The following C5orf24 variants were observed in gnomAD, a reference collection of about 807,000 sequenced individuals.
The protein encoded by C5orf24 is chromosome 5 open reading frame 24.
A neutral mutation model predicts 9.8 loss-of-function variants in C5orf24; 4 were observed. That is an observed-to-expected ratio of 0.41 (90% CI 0.20 to 0.93). The LOEUF (loss-of-function observed/expected upper bound fraction) is 0.93. Among genes scored for constraint, C5orf24 ranks in the 40% least tolerant of loss-of-function variants. The probability of loss-of-function intolerance (pLI) is 0.33; values close to 1 mark genes in which losing one functional copy is unlikely to be tolerated. For missense variants in C5orf24, 170 were observed against 236.9 expected, an observed-to-expected ratio of 0.72 and a Z score of 1.85; for synonymous variants, 73 against 81.3, an observed-to-expected ratio of 0.90 and a Z score of 0.55.
At chr5:134,842,355 T>G (rs1436779116), upstream of C5orf24, among the ~76,000 whole-genome samples, 1 of 151,822 alleles carries the variant, frequency 6.6e-6, no homozygotes, top group Non-Finnish European at 1.5e-5. Flanking sequence ...CCAGGCATGG[T>G]AGCACATGCC....
At chr5:134,847,686 G>A (rs1003263588) in intron 1 of C5orf24, among the ~76,000 whole-genome samples, 16 of 150,630 alleles carry the variant, frequency 1.1e-4, no homozygotes, top group Non-Finnish European at 1.9e-4. Context: ...ACGCTGTCTG[G>A]AAATGTAGTA....
At position 134,857,451 on chromosome 5, in the gene C5orf24, A is replaced by G. The variant is rs955785801; in HGVS notation, c.*1984A>G. ...TTTACAGTAAGAGGTGTTGCATTGT[A>G]TGTGGGGACTATGTGCACTGGCGTC... On this transcript the variant is annotated 3_prime_UTR_variant, in exon 2 of 2. Transcript: ENST00000394976. 17 of 1,519,296 alleles carry G rather than the reference A, an allele frequency of 1.1e-5. No individual in the cohort carries two copies. In the Middle Eastern group the frequency reaches 6.8e-4, roughly 61 times the overall value. 94.1% of individuals were successfully genotyped at this position (1,519,296 alleles called of 1,614,324 possible). A position where few individuals can be genotyped will look rare whatever the true frequency, so the allele number is the denominator to read the frequency against.
chr5:134,854,776 T>G, intron 1 of C5orf24, 122 bp from the exon 2 acceptor site: 1 of 1,034,828 alleles, frequency 9.7e-7, no homozygotes, highest in Non-Finnish European at 1.4e-6. Flanking sequence ...TCCTGCCTGT[T>G]AGCCTAATTT....
chr5:134,841,449 T>G (rs933957396), upstream of C5orf24, among the ~76,000 whole-genome samples: 1 of 151,970 alleles, frequency 6.6e-6, no homozygotes, highest in African/African-American at 2.4e-5. Flanking sequence ...AAGCCAGGTG[T>G]GGTGGCTCGT....
At position 134,857,133 on chromosome 5, in the gene C5orf24, AATATT is replaced by A. The variant is rs1482702032; in HGVS notation, c.*1670_*1674del. On this transcript the variant is annotated 3_prime_UTR_variant, in exon 2 of 2. Coordinates refer to ENST00000394976, the MANE Select transcript of C5orf24 (RefSeq NM_001135586.1). ...TATTTATTGAGTTTGTTCTAAATAA[AATATT>A]ATAAACTTCAGACTTGAAAAAATTC... is the stretch of plus-strand genomic sequence containing the variant. The A allele has an allele frequency of 7.0e-6, 9 of 1,282,076 alleles. No homozygotes were observed. The highest frequency in any genetic ancestry group is 9.0e-6 in the Non-Finnish European group (9 of 1,001,926). The allele number at this position is 1,282,076 out of a possible 1,614,324, so 79.4% of individuals were successfully genotyped here.
rs113314814 is a variant in C5orf24 at position 134,856,219 on chromosome 5, A to G, written c.*752A>G. ...CTATTTTATAAAAACTGCACATTAC[A>G]TTTTTGGTGAAATATAGTGCATTCT... On this transcript the variant is annotated 3_prime_UTR_variant, in exon 2 of 2. Coordinates refer to ENST00000394976, the MANE Select transcript of C5orf24 (RefSeq NM_001135586.1). The G allele has an allele frequency of 1.7e-5, 17 of 992,278 alleles. No individual in the cohort carries two copies. The African/African-American group carries it at 2.5e-4, about 14-fold the overall frequency. The allele number at this position is 992,278 out of a possible 1,614,324, so 61.5% of individuals were successfully genotyped here. A position where few individuals can be genotyped will look rare whatever the true frequency, so the allele number is the denominator to read the frequency against.
chr5:134,852,709 C>T (rs1264916483), intron 1 of C5orf24, among the ~76,000 whole-genome samples: 3 of 152,156 alleles, frequency 2.0e-5, no homozygotes, highest in Admixed American at 1.3e-4. Flanking sequence ...ATCTCTTTTA[C>T]CTCATCACAA....
chr5:134,836,370 A>G, the C5orf24 span, among the ~76,000 whole-genome samples: 2 of 151,894 alleles, frequency 1.3e-5, no homozygotes, highest in Non-Finnish European at 2.9e-5. Context: ...ACAAGGTTTT[A>G]CCATGTTGGT....
Position 134,856,589 on chromosome 5 carries a change from C to CA in C5orf24, c.*1124dup, listed in dbSNP as rs924800454. On this transcript the variant is annotated 3_prime_UTR_variant, in exon 2 of 2. Transcript: ENST00000394976. Reference sequence around the variant, plus strand: ...CCAGGAGGCGGAGGTTGCAGTGAGCCAAGATTGTGCCACTGCACTCCAGCC... The same window carrying CA: ...CCAGGAGGCGGAGGTTGCAGTGAGCCAAAGATTGTGCCACTGCACTCCAGCC... 1 of 477,376 alleles carries CA rather than the reference C, an allele frequency of 2.1e-6. No individual in the cohort carries two copies. The highest frequency in any genetic ancestry group is 2.1e-5 in the African/African-American group (1 of 46,934). The allele number at this position is 477,376 out of a possible 1,614,324, so 29.6% of individuals were successfully genotyped here. A position where few individuals can be genotyped will look rare whatever the true frequency, so the allele number is the denominator to read the frequency against.
Position 134,855,713 on chromosome 5 carries a change from C to T in C5orf24, c.*246C>T, listed in dbSNP as rs1301075554. The T allele has an allele frequency of 6.5e-6, 9 of 1,377,316 alleles. No homozygotes were observed. The highest frequency in any genetic ancestry group is 8.5e-6 in the Non-Finnish European group (9 of 1,063,088). The allele number at this position is 1,377,316 out of a possible 1,614,324, so 85.3% of individuals were successfully genotyped here. ...ACCTAACTAAATCATTTTTCCTTTT[C>T]CTTTAGAGTTATGGTCATGTCTCAT... On this transcript the variant is annotated 3_prime_UTR_variant, in exon 2 of 2. Coordinates refer to ENST00000394976, the MANE Select transcript of C5orf24 (RefSeq NM_001135586.1).
chr5:134,849,506 G>A (rs924752049), intron 1 of C5orf24, among the ~76,000 whole-genome samples: 2 of 151,930 alleles, frequency 1.3e-5, no homozygotes, highest in Non-Finnish European at 2.9e-5. Flanking sequence ...AATTATTTAC[G>A]AGTAATTCTC....
chr5:134,844,349 A>AT, upstream of C5orf24, among the ~76,000 whole-genome samples: 1 of 151,744 alleles, frequency 6.6e-6, no homozygotes, highest in Non-Finnish European at 1.5e-5. Context: ...TTAGCATTTT[A>AT]TTTTTTTGAG....
Position 134,857,281 on chromosome 5 carries a change from G to A in C5orf24, c.*1814G>A. On this transcript the variant is annotated 3_prime_UTR_variant, in exon 2 of 2. Coordinates refer to ENST00000394976, the MANE Select transcript of C5orf24 (RefSeq NM_001135586.1). ...TAATTAAAATTTTAAAAGAGCACAT[G>A]TTGTGTTTTTTGGGCTTGCTATTAA... 2 of 1,469,606 alleles carry A rather than the reference G, an allele frequency of 1.4e-6. No homozygotes were observed. Among genetic ancestry groups the A allele is most frequent in the Non-Finnish European group, 1.8e-6 (2 of 1,098,638 alleles). 91.0% of individuals were successfully genotyped at this position (1,469,606 alleles called of 1,614,324 possible).
upstream of C5orf24, among the ~76,000 whole-genome samples, chr5:134,842,638 G>A (rs1288611988): frequency 1.3e-5 from 2 of 152,112 alleles, no homozygotes; most frequent in Non-Finnish European, 2.9e-5. Context: ...TTTTACTAAG[G>A]TCATCAGCTG....
chr5:134,835,938 A>G, the C5orf24 span, among the ~76,000 whole-genome samples: 178 of 152,004 alleles, frequency 1.2e-3, no homozygotes, highest in African/African-American at 3.4e-3. Flanking sequence ...GCCTCAGGCA[A>G]TCCTCCTTCC....
chr5:134,838,248 T>C, the C5orf24 span, among the ~76,000 whole-genome samples: 10 of 152,238 alleles, frequency 6.6e-5, no homozygotes, highest in African/African-American at 1.9e-4. Context: ...TGATATGGCC[T>C]ACCTTGGGCC....
Position 134,855,683 on chromosome 5 carries a change from G to GT in C5orf24, c.*217dup, listed in dbSNP as rs1756292594. ...ATTGTATTTGTACATAGGTTCAAGTGTAACACCTAACTAAATCATTTTTCC... is the reference window on the plus strand; with the variant it reads ...ATTGTATTTGTACATAGGTTCAAGTGTTAACACCTAACTAAATCATTTTTCC... On this transcript the variant is annotated 3_prime_UTR_variant, in exon 2 of 2. Transcript: ENST00000394976. The GT allele has an allele frequency of 2.1e-6, 3 of 1,426,800 alleles. No individual in the cohort carries two copies. Among genetic ancestry groups the GT allele is most frequent in the Non-Finnish European group, 2.7e-6 (3 of 1,092,594 alleles). 88.4% of individuals were successfully genotyped at this position (1,426,800 alleles called of 1,614,324 possible).
Position 134,857,583 on chromosome 5 carries a change from C to G in C5orf24, c.*2116C>G, listed in dbSNP as rs1580847490. 1.5e-6 allele frequency: 1 copy of G among 687,564 alleles called. No individual in the cohort carries two copies. The highest frequency in any genetic ancestry group is 1.9e-5 in the African/African-American group (1 of 53,914). The allele number at this position is 687,564 out of a possible 1,614,324, so 42.6% of individuals were successfully genotyped here. ...TCTGGCAGCTAAATTGCTACAAGAG[C>G]TTTTTCTTGCAAAAGCTTAAAATAC... On this transcript the variant is annotated 3_prime_UTR_variant, in exon 2 of 2. Transcript: ENST00000394976.
chr5:134,854,769 T>C, intron 1 of C5orf24, 129 bp from the exon 2 acceptor site: 11 of 938,324 alleles, frequency 1.2e-5, no homozygotes, highest in Non-Finnish European at 1.7e-5. Flanking sequence ...TCTGGAGTCC[T>C]GCCTGTTAGC....
Sources: allele counts gnomAD v4.1 joint callset (sites outside exome capture counted in the v4.1 genomes callset), GRCh38; gene constraint gnomAD v4.1.1; transcripts MANE v1.5; gene names NCBI Gene and HGNC (gene_info 2026-07-23, HGNC 2026-07-21).